Variants in DPYD observed in about 807,000 individuals in gnomAD.
The protein encoded by DPYD is dihydropyrimidine dehydrogenase [NADP(+)].
Under a neutral mutation model 116.2 loss-of-function variants are expected in DPYD, and 109 were observed. That is an observed-to-expected ratio of 0.94 (90% confidence interval 0.80 to 1.10). DPYD has a LOEUF of 1.10. DPYD is among the 50% of genes least tolerant of loss of function. The pLI is 0.00. For synonymous variants in DPYD, 440 were observed against 432.0 expected (o/e 1.02, Z -0.23); for missense variants, 1,302 against 1,254.5 (o/e 1.04, Z -0.57).
rs114301930 is a variant in DPYD at position 97,907,792 on chromosome 1, G to T, written c.39+13092C>A. Among the ~76,000 whole-genome samples the T allele has an allele frequency of 3.3e-3, 497 of 150,748 alleles. 3 individuals are homozygous for T. Among genetic ancestry groups the T allele is most frequent in the African/African-American group, 0.011 (460 of 40,980 alleles). ...TCCTTTGCAGTTCACATCAAAATTT[G>T]TATTCATTTTCTTGGGCTGCCATTA... On this transcript the variant is annotated intron_variant, in intron 1 of 22. Coordinates refer to ENST00000370192, the MANE Select transcript of DPYD (RefSeq NM_000110.4).
chr1:97,915,430 C>T (rs1674164046), intron 1 of DPYD, among the ~76,000 whole-genome samples: 1 of 152,090 alleles, frequency 6.6e-6, no homozygotes, highest in Non-Finnish European at 1.5e-5. Context: ...ACTAGTGTAA[C>T]ATTTTAATTA....
rs534990767 is a variant in DPYD at position 97,383,348 on chromosome 1, G to A, written c.1906-887C>T. Among the ~76,000 whole-genome samples the A allele has an allele frequency of 1.1e-4, 16 of 151,774 alleles. 1 individual carries two copies. The highest frequency in any genetic ancestry group is 7.2e-4 in the Admixed American group (11 of 15,224). ...AAAAATTAGCCAGGTGTGGTGGCGT[G>A]TGCCTGTAATTCCAGCTACTCGGGA... On this transcript the variant is annotated intron_variant, in intron 14 of 22. Transcript: ENST00000370192.
At chr1:97,749,403 A>G (rs1051070682) in intron 3 of DPYD, among the ~76,000 whole-genome samples, 16 of 152,224 alleles carry the variant, frequency 1.1e-4, no homozygotes, top group African/African-American at 3.9e-4. Context: ...CACTGGTCAT[A>G]TGAATTGACT....
At chr1:97,567,069 A>T (rs1226061725) in intron 11 of DPYD, among the ~76,000 whole-genome samples, 4 of 152,156 alleles carry the variant, frequency 2.6e-5, no homozygotes, top group African/African-American at 9.7e-5. Flanking sequence ...GACACATTTG[A>T]AAAATTCTTG....
chr1:97,292,802 A>G (rs918622360), intron 18 of DPYD, among the ~76,000 whole-genome samples: 2 of 152,018 alleles, frequency 1.3e-5, no homozygotes, highest in Non-Finnish European at 2.9e-5. Flanking sequence ...CTATTAAAAC[A>G]AGGGTTTGGG....
intron 2 of DPYD, among the ~76,000 whole-genome samples, chr1:97,829,358 T>A (rs1669410347): frequency 6.6e-6 from 1 of 152,084 alleles, no homozygotes; most frequent in African/African-American, 2.4e-5. Context: ...CAAAGATCCT[T>A]TTAACAAACA....
At chr1:97,167,177 A>C (rs896989046) in intron 20 of DPYD, among the ~76,000 whole-genome samples, 2 of 152,134 alleles carry the variant, frequency 1.3e-5, no homozygotes, top group African/African-American at 4.8e-5. Context: ...AAAAGTGTAC[A>C]TTTTTCAAAA....
chr1:97,424,063 T>G (rs1674733147), intron 14 of DPYD, among the ~76,000 whole-genome samples: 1 of 152,228 alleles, frequency 6.6e-6, no homozygotes, highest in East Asian at 1.9e-4. Flanking sequence ...ATAATGGTAT[T>G]TATTTTTATC....
rs889639008 is a variant in DPYD, at chr1:97,801,277, C to T, written c.233+26837G>A. Among the ~76,000 whole-genome samples the T allele has an allele frequency of 8.6e-5, 13 of 151,866 alleles. No homozygotes were observed. In the East Asian group the frequency reaches 2.5e-3, roughly 29 times the overall value. ...CTTCACCAAGAACCTCTACTGGCTC[C>T]TTGATCTGAAACTCCTAACCTTTAG... On this transcript the variant is annotated intron_variant, in intron 3 of 22. Coordinates refer to ENST00000370192, the MANE Select transcript of DPYD (RefSeq NM_000110.4).
chr1:97,193,688 G>A (rs549445651), intron 19 of DPYD, among the ~76,000 whole-genome samples: 6 of 152,070 alleles, frequency 3.9e-5, no homozygotes, highest in Admixed American at 6.6e-5. Flanking sequence ...TGTTTATTAC[G>A]TTAACTCAAC....
intron 12 of DPYD, among the ~76,000 whole-genome samples, chr1:97,534,209 A>C (rs1158229016): frequency 6.6e-6 from 1 of 152,216 alleles, no homozygotes; most frequent in Non-Finnish European, 1.5e-5. Context: ...ATGTATTTGA[A>C]GGCTACATTC....
intron 7 of DPYD, among the ~76,000 whole-genome samples, chr1:97,682,528 T>C (rs1250729782): frequency 6.6e-6 from 1 of 152,108 alleles, no homozygotes; most frequent in Non-Finnish European, 1.5e-5. Context: ...AGAAGAAAGA[T>C]TCCTTGACAA....
chr1:97,208,170 TTTTC>T (rs889249423), intron 19 of DPYD, among the ~76,000 whole-genome samples: 11 of 151,948 alleles, frequency 7.2e-5, no homozygotes, highest in South Asian at 2.1e-4. Flanking sequence ...TTTTCTTTTC[TTTTC>T]TTTCTTTCTT....
At chr1:97,100,975 A>G (rs1307554065) in intron 20 of DPYD, among the ~76,000 whole-genome samples, 1 of 152,098 alleles carries the variant, frequency 6.6e-6, no homozygotes, top group Non-Finnish European at 1.5e-5. Context: ...AATTGGTTTT[A>G]TAATTAGTCC....
intron 19 of DPYD, among the ~76,000 whole-genome samples, chr1:97,210,497 C>T (rs2101869545): frequency 6.6e-6 from 1 of 152,174 alleles, no homozygotes; most frequent in East Asian, 1.9e-4. Flanking sequence ...TAAGGCATTC[C>T]TCTCTCCCCT....
chr1:97,141,024 C>T (rs1258505982), intron 20 of DPYD, among the ~76,000 whole-genome samples: 2 of 152,018 alleles, frequency 1.3e-5, no homozygotes, highest in African/African-American at 4.8e-5. Context: ...GATCTGTAAA[C>T]ATGAGGAGGT....
chr1:97,175,681 C>T (rs1405107033), intron 20 of DPYD, among the ~76,000 whole-genome samples: 1 of 152,156 alleles, frequency 6.6e-6, no homozygotes, highest in Non-Finnish European at 1.5e-5. Context: ...TTCCCTTATT[C>T]AACTGCCACG....
At chr1:97,702,945 G>C (rs1661689043) in intron 5 of DPYD, among the ~76,000 whole-genome samples, 1 of 151,896 alleles carries the variant, frequency 6.6e-6, no homozygotes, top group Non-Finnish European at 1.5e-5. Context: ...AAAAGTGTTT[G>C]AAGAAATGAA....
chr1:97,241,440 A>C (rs1662334669), intron 18 of DPYD, among the ~76,000 whole-genome samples: 1 of 152,014 alleles, frequency 6.6e-6, no homozygotes, highest in African/African-American at 2.4e-5. Context: ...AGAGAAGCTC[A>C]AGCTGAATAA....
Sources: gnomAD v4.1 joint callset for allele counts (sites outside exome capture counted in the v4.1 genomes callset) on GRCh38, gnomAD v4.1.1 for gene constraint, MANE v1.5 for transcripts, NCBI Gene and HGNC (gene_info 2026-07-23, HGNC 2026-07-21) for gene names.